PDE10A: variants seen among roughly 807,000 people sequenced by gnomAD.
PDE10A encodes cAMP and cAMP-inhibited cGMP 3',5'-cyclic phosphodiesterase 10A.
In PDE10A, 39 loss-of-function variants were observed where a neutral mutation model predicts 97.7. That is an observed-to-expected ratio of 0.40 (90% CI 0.31 to 0.52). PDE10A has a LOEUF of 0.52. Among genes scored for constraint, PDE10A ranks in the 20% least tolerant of loss-of-function variants. The pLI is 0.56. For synonymous variants in PDE10A, 371 were observed against 376.8 expected, an observed-to-expected ratio of 0.98 and a Z score of 0.18; for missense variants, 731 against 1,047.8, an observed-to-expected ratio of 0.70 and a Z score of 4.17.
intron 13 of PDE10A, among the ~76,000 whole-genome samples, chr6:165,399,879 T>A (rs924562691): frequency 1.3e-5 from 2 of 152,238 alleles, no homozygotes; most frequent in Non-Finnish European, 2.9e-5. Flanking sequence ...AGTGCCGCAA[T>A]AAACATACAT....
chr6:165,944,984 G>C (rs1458657505), intron 1 of PDE10A, among the ~76,000 whole-genome samples: 2 of 152,176 alleles, frequency 1.3e-5, no homozygotes, highest in Admixed American at 1.3e-4. Flanking sequence ...TTGGGTGTGG[G>C]AGCCAACTCA....
At chr6:165,414,061 C>T (rs1034088343) in intron 12 of PDE10A, among the ~76,000 whole-genome samples, 5 of 152,094 alleles carry the variant, frequency 3.3e-5, no homozygotes, top group Non-Finnish European at 7.4e-5. Context: ...TGAAGTTGAT[C>T]GTGTTTATGA....
chr6:165,587,638 G>A (rs1348589157), intron 1 of PDE10A, among the ~76,000 whole-genome samples: 1 of 144,996 alleles, frequency 6.9e-6, no homozygotes, highest in Non-Finnish European at 1.5e-5. Context: ...AATATTTGGG[G>A]GATTTCTCTA....
intron 1 of PDE10A, among the ~76,000 whole-genome samples, chr6:165,709,693 C>T: frequency 2.0e-5 from 2 of 100,560 alleles, no homozygotes; most frequent in Non-Finnish European, 4.1e-5. Context: ...CCACTCTCCA[C>T]CCCCATGCTG....
intron 2 of PDE10A, among the ~76,000 whole-genome samples, chr6:165,485,959 A>G (rs1213707160): frequency 6.6e-6 from 1 of 152,158 alleles, no homozygotes; most frequent in Non-Finnish European, 1.5e-5. Context: ...GTTGGTGAAG[A>G]GTTGATCCTG....
rs117047331 is a variant in PDE10A, at chr6:165,658,119, C to A, written c.865+3828G>T. On this transcript the variant is annotated intron_variant, in intron 1 of 21. Coordinates refer to ENST00000539869, the MANE Select transcript of PDE10A (RefSeq NM_001385079.1). ...TACAACCTCAGTCTCCCTGAGCCCACAAACAGAAGTTAATGGCGAGTCTAG... is the reference window on the plus strand; with the variant it reads ...TACAACCTCAGTCTCCCTGAGCCCAAAAACAGAAGTTAATGGCGAGTCTAG... Among the ~76,000 whole-genome samples the A allele has an allele frequency of 6.2e-3, 940 of 152,308 alleles. 29 individuals are homozygous for A. The highest frequency in any genetic ancestry group is 0.045 in the Admixed American group (695 of 15,296).
chr6:165,718,498 G>A (rs910076182), intron 1 of PDE10A, among the ~76,000 whole-genome samples: 14 of 152,148 alleles, frequency 9.2e-5, no homozygotes, highest in Admixed American at 3.3e-4. Flanking sequence ...TGTAGTGAAC[G>A]GACAAGGGTC....
intron 1 of PDE10A, among the ~76,000 whole-genome samples, chr6:165,602,836 A>G (rs190009533): frequency 6.6e-6 from 1 of 152,262 alleles, no homozygotes; most frequent in Admixed American, 6.5e-5. Flanking sequence ...CCTTAAAACC[A>G]AAGAGTCCTA....
At chr6:165,696,943 C>T (rs896003903) in intron 1 of PDE10A, among the ~76,000 whole-genome samples, 4 of 151,954 alleles carry the variant, frequency 2.6e-5, no homozygotes, top group African/African-American at 9.7e-5. Context: ...TATGAACTGG[C>T]AGAGGAAAGA....
Position 165,943,346 on chromosome 6 carries a change from G to GAAAGAAAGAA in PDE10A, c.-615+44182_-615+44183insTTCTTTCTTT, listed in dbSNP as rs369730730. 3.3e-3 allele frequency among the ~76,000 whole-genome samples: 266 copies of GAAAGAAAGAA among 79,528 alleles called. 30 individuals carry two copies. Among genetic ancestry groups the GAAAGAAAGAA allele is most frequent in the African/African-American group, 0.01 (183 of 18,136 alleles). 52.2% of individuals were successfully genotyped at this position (79,528 alleles called of 152,430 possible). ...AAGAAAGAAAAAGAAAGAAAGAAAA[G>GAAAGAAAGAA]AGAAAGAAAGAAAGAGAAAGAAAGA... On this transcript the variant is annotated intron_variant, in intron 1 of 19. Transcript: ENST00000366882.
intron 1 of PDE10A, among the ~76,000 whole-genome samples, chr6:165,982,368 C>T (rs913040050): frequency 6.6e-6 from 1 of 152,190 alleles, no homozygotes; most frequent in Non-Finnish European, 1.5e-5. Context: ...ACTTTTAAAA[C>T]ACTCATGAGA....
At chr6:165,406,350 T>A (rs1787167041) in intron 13 of PDE10A, among the ~76,000 whole-genome samples, 1 of 151,858 alleles carries the variant, frequency 6.6e-6, no homozygotes, top group African/African-American at 2.4e-5. Context: ...TAAGATGTAT[T>A]TTTGATATTT....
At chr6:165,927,611 G>A (rs916421428) in intron 1 of PDE10A, among the ~76,000 whole-genome samples, 1 of 111,890 alleles carries the variant, frequency 8.9e-6, no homozygotes, top group African/African-American at 3.5e-5. Flanking sequence ...TTTTTTTCTC[G>A]TTTTTCTTTC....
At chr6:165,858,607 C>T (rs986287169) in intron 1 of PDE10A, among the ~76,000 whole-genome samples, 1 of 152,200 alleles carries the variant, frequency 6.6e-6, no homozygotes, top group Admixed American at 6.5e-5. Flanking sequence ...AAAAGGTATC[C>T]ACCTCATCTG....
chr6:165,641,641 G>A (rs1397182729), intron 1 of PDE10A, among the ~76,000 whole-genome samples: 1 of 152,156 alleles, frequency 6.6e-6, no homozygotes, highest in Non-Finnish European at 1.5e-5. Flanking sequence ...AGTGCCTTGG[G>A]GGCAGGCCCT....
chr6:165,958,232 G>A (rs571190871), intron 1 of PDE10A, among the ~76,000 whole-genome samples: 92 of 152,174 alleles, frequency 6.0e-4, no homozygotes, highest in African/African-American at 2.1e-3. Context: ...ACCCACAAAA[G>A]ACAGCAAAGC....
intron 1 of PDE10A, among the ~76,000 whole-genome samples, chr6:165,632,292 G>A (rs1045454398): frequency 2.0e-5 from 3 of 151,398 alleles, no homozygotes; most frequent in Non-Finnish European, 4.4e-5. Flanking sequence ...CACAGAAGCC[G>A]TCTTGGTCTT....
At chr6:165,550,625 A>G (rs1434403148) in intron 1 of PDE10A, among the ~76,000 whole-genome samples, 1 of 152,236 alleles carries the variant, frequency 6.6e-6, no homozygotes, top group Non-Finnish European at 1.5e-5. Flanking sequence ...GTTATTAAGT[A>G]TAACAGGTTA....
intron 2 of PDE10A, among the ~76,000 whole-genome samples, chr6:165,539,858 G>A (rs371931214): frequency 1.7e-4 from 26 of 152,192 alleles, no homozygotes; most frequent in East Asian, 1.2e-3. Flanking sequence ...ACCTTGAGGC[G>A]GAGGTTGCAG....
Sources: gnomAD v4.1 joint callset for allele counts (sites outside exome capture counted in the v4.1 genomes callset) on GRCh38, gnomAD v4.1.1 for gene constraint, MANE v1.5 for transcripts, NCBI Gene and HGNC (gene_info 2026-07-23, HGNC 2026-07-21) for gene names.